Variants in MAK observed in about 807,000 individuals in gnomAD.
MAK encodes the protein serine/threonine-protein kinase MAK.
Under a neutral mutation model 82.6 loss-of-function variants are expected in MAK, and 65 were observed. That is an observed-to-expected ratio of 0.79 (90% CI 0.64 to 0.97). The LOEUF (loss-of-function observed/expected upper bound fraction) is 0.97. Ranked by LOEUF, MAK falls within the 50% of genes least tolerant of loss-of-function variation. The pLI is 0.00. For synonymous variants in MAK, 250 were observed against 274.2 expected (o/e 0.91, Z 0.87); for missense variants, 703 against 780.2 (o/e 0.90, Z 1.18).
At chr6:10,797,908 G>T (rs996939496) in intron 8 of MAK, 17 of 1,266,722 alleles carry the variant, frequency 1.3e-5, no homozygotes, top group Non-Finnish European at 1.6e-5. Flanking sequence ...GTTTGTTAAG[G>T]GTTACTTGCA....
intron 10 of MAK, among the ~76,000 whole-genome samples, chr6:10,787,412 C>T (rs1774663885): frequency 1.3e-5 from 2 of 152,192 alleles, no homozygotes; most frequent in African/African-American, 4.8e-5. Context: ...GTCTCAGCAT[C>T]CTACTCTGCA....
At chr6:10,772,526 TAG>T in intron 13 of MAK, among the ~76,000 whole-genome samples, 1 of 151,830 alleles carries the variant, frequency 6.6e-6, no homozygotes, top group South Asian at 2.1e-4. Context: ...GTATTTTTAG[TAG>T]AGACACGGGT....
At chr6:10,798,096 AT>A in intron 8 of MAK, 1 of 194,342 alleles carries the variant, frequency 5.1e-6, no homozygotes, top group Non-Finnish European at 8.9e-6. Flanking sequence ...TCAAGGCTTT[AT>A]TTATAACAAC....
rs950096669 is a variant in MAK, at chr6:10,812,867, G to A, written c.358+777C>T. Among the ~76,000 whole-genome samples, 16 of 149,372 alleles carry A rather than the reference G, an allele frequency of 1.1e-4. No individual in the cohort carries two copies. In the East Asian group the frequency reaches 3.2e-3, roughly 30 times the overall value. On this transcript the variant is annotated intron_variant, in intron 5 of 14. Transcript: ENST00000354489. Reference sequence around the variant, plus strand: ...CAATCTCTGCCTCCTGCGTTCAAGCGATTCTCCTGCCTCAGACTCTCAAGT... The same window carrying A: ...CAATCTCTGCCTCCTGCGTTCAAGCAATTCTCCTGCCTCAGACTCTCAAGT...
intron 8 of MAK, among the ~76,000 whole-genome samples, chr6:10,799,610 A>G (rs749601284): frequency 1.3e-5 from 2 of 152,164 alleles, no homozygotes; most frequent in Non-Finnish European, 2.9e-5. Context: ...AAACTTTCAA[A>G]AAATTTTAAA....
chr6:10,824,508 C>T (rs1023270346), intron 2 of MAK, among the ~76,000 whole-genome samples: 1 of 151,264 alleles, frequency 6.6e-6, no homozygotes, highest in Non-Finnish European at 1.5e-5. Flanking sequence ...CACACACGTT[C>T]TGAACATCCC....
chr6:10,810,299 G>A (rs1776822706), intron 5 of MAK, among the ~76,000 whole-genome samples: 1 of 149,012 alleles, frequency 6.7e-6, no homozygotes, highest in South Asian at 2.1e-4. Context: ...CTTGAAGAGG[G>A]TTTTCATGTA....
At chr6:10,788,627 T>C (rs550232107) in intron 10 of MAK, among the ~76,000 whole-genome samples, 1 of 151,796 alleles carries the variant, frequency 6.6e-6, no homozygotes, top group Non-Finnish European at 1.5e-5. Flanking sequence ...TCTGAGCTAC[T>C]AAGGAGACTG....
chr6:10,775,576 A>T, intron 11 of MAK, 117 bp from the exon 12 acceptor site: 1 of 1,168,502 alleles, frequency 8.6e-7, no homozygotes, highest in East Asian at 2.5e-5. Context: ...ATGGAAATAA[A>T]TCTAGGTGAA....
chr6:10,803,403 G>A lies in MAK; in HGVS notation c.663+317C>T, dbSNP rs192436811. Among the ~76,000 whole-genome samples the A allele has an allele frequency of 2.5e-3, 385 of 152,106 alleles. 1 individual carries two copies. The highest frequency in any genetic ancestry group is 4.8e-3 in the Admixed American group (73 of 15,260). ...CTACTAACAATAGAAAAATTGACCA[G>A]GCGTGGTGGTGCACACCTGTAATCC... On this transcript the variant is annotated intron_variant, in intron 7 of 14. Transcript: ENST00000354489.
intron 10 of MAK, among the ~76,000 whole-genome samples, chr6:10,787,218 T>C (rs112248021): frequency 2.0e-5 from 3 of 152,288 alleles, no homozygotes; most frequent in African/African-American, 4.8e-5. Context: ...ACCACTCCGC[T>C]AATTCACCAA....
chr6:10,791,910 C>CT, intron 9 of MAK, 63 bp from the exon 10 acceptor site: 2 of 1,540,394 alleles, frequency 1.3e-6, no homozygotes, highest in East Asian at 2.2e-5. Flanking sequence ...CATGCACAAG[C>CT]TACTATCTAT....
chr6:10,798,436 T>C (rs377611096), intron 8 of MAK, among the ~76,000 whole-genome samples: 16 of 152,250 alleles, frequency 1.1e-4, no homozygotes, highest in Admixed American at 5.2e-4. Context: ...TAAGATACTT[T>C]AAGATACCAG....
chr6:10,765,938 C>T (rs1256262315), intron 14 of MAK, among the ~76,000 whole-genome samples: 1 of 152,198 alleles, frequency 6.6e-6, no homozygotes, highest in East Asian at 1.9e-4. Context: ...CATTTGTTAT[C>T]TGAACAATTT....
At chr6:10,823,998 CA>C (rs5874290) in intron 2 of MAK, among the ~76,000 whole-genome samples, 86,944 of 146,834 alleles carry the variant, frequency 0.59, 26,596 homozygotes, top group Non-Finnish European at 0.69. Flanking sequence ...TGGTAACAAA[CA>C]AAAAAAAAAA....
At chr6:10,784,624 G>A (rs758184855) in intron 10 of MAK, 52 bp from the exon 11 acceptor site, 16 of 1,501,036 alleles carry the variant, frequency 1.1e-5, no homozygotes, top group East Asian at 6.7e-5. Flanking sequence ...AGAGGATCTC[G>A]CCCACCCTCT....
In MAK at chr6:10,794,518, G is replaced by C. The variant is rs77896547; in HGVS notation, c.1143+1480C>G. Among the ~76,000 whole-genome samples the C allele has an allele frequency of 1.1e-3, 162 of 152,292 alleles. 1 individual carries two copies. Among genetic ancestry groups the C allele is most frequent in the African/African-American group, 3.8e-3 (157 of 41,558 alleles). On this transcript the variant is annotated intron_variant, in intron 9 of 14. Transcript: ENST00000354489. The stretch of plus-strand genomic sequence containing the variant: ...CTTATCTAGGTTGGTGGGGCAGTTG[G>C]GGACTGGAAGGAAATAGATACAGTG...
chr6:10,790,598 GT>G (rs536768934), intron 10 of MAK, among the ~76,000 whole-genome samples: 144 of 152,352 alleles, frequency 9.5e-4, no homozygotes, highest in African/African-American at 3.3e-3. Flanking sequence ...CGAGGAGGCA[GT>G]TAGTGAAATC....
At chr6:10,777,809 T>G (rs1561937750) in intron 11 of MAK, among the ~76,000 whole-genome samples, 1 of 152,072 alleles carries the variant, frequency 6.6e-6, no homozygotes, top group Non-Finnish European at 1.5e-5. Flanking sequence ...CGGCTAATTT[T>G]GTATTTTTAG....
Sources: allele counts gnomAD v4.1 joint callset (sites outside exome capture counted in the v4.1 genomes callset), GRCh38; gene constraint gnomAD v4.1.1; transcripts MANE v1.5; gene names NCBI Gene and HGNC (gene_info 2026-07-23, HGNC 2026-07-21).